Variants in CACNA1A observed in about 807,000 individuals in gnomAD.
The protein encoded by CACNA1A is calcium voltage-gated channel subunit alpha1 A.
Under a neutral mutation model 262.4 loss-of-function variants are expected in CACNA1A, and 57 were observed. The observed-to-expected ratio is 0.22, with a 90% CI of 0.18 to 0.27. The LOEUF (loss-of-function observed/expected upper bound fraction) is 0.27. Ranked by LOEUF, CACNA1A falls within the 10% of genes least tolerant of loss-of-function variation. The probability of loss-of-function intolerance (pLI) is 1.00; values close to 1 mark genes in which losing one functional copy is unlikely to be tolerated. For missense variants in CACNA1A, 2,526 were observed against 3,562.8 expected (o/e 0.71, Z 7.41); for synonymous variants, 1,431 against 1,419.3 (o/e 1.01, Z -0.18).
In CACNA1A at chr19:13,418,757, G is replaced by T. The variant is rs539008604; in HGVS notation, c.539+34119C>A. ...GAATACATTTCCCTTGTTTGAAGCC[G>T]TGTGGTTTATGGTACAGTCATGTGC... On this transcript the variant is annotated intron_variant, in intron 3 of 46. Coordinates refer to ENST00000360228, the MANE Select transcript of CACNA1A (RefSeq NM_001127222.2). Among the ~76,000 whole-genome samples, 5 of 152,290 alleles carry T rather than the reference G, an allele frequency of 3.3e-5. 1 individual carries two copies. The South Asian group carries it at 1.0e-3, about 32-fold the overall frequency.
intron 3 of CACNA1A, among the ~76,000 whole-genome samples, chr19:13,384,179 CAG>C (rs2059569237): frequency 6.6e-6 from 1 of 152,116 alleles, no homozygotes; most frequent in Admixed American, 6.6e-5. Flanking sequence ...TCCACGAGGA[CAG>C]GGGCTTTTTT....
At chr19:13,245,478 C>T (rs2056204761) in intron 30 of CACNA1A, 1 of 566,206 alleles carries the variant, frequency 1.8e-6, no homozygotes, top group East Asian at 3.0e-5. Context: ...CATGATTGGC[C>T]TGGCCCCAGA....
chr19:13,300,742 C>T, intron 17 of CACNA1A, 86 bp from the exon 18 acceptor site: 4 of 1,051,508 alleles, frequency 3.8e-6, no homozygotes, highest in South Asian at 3.7e-5. Flanking sequence ...CCAGGGGCAA[C>T]ATTTGAAATA....
intron 3 of CACNA1A, among the ~76,000 whole-genome samples, chr19:13,397,709 T>C (rs1249900573): frequency 1.3e-5 from 2 of 152,198 alleles, no homozygotes; most frequent in Non-Finnish European, 2.9e-5. Context: ...TTAGACTCCA[T>C]TTCCCAGCTC....
chr19:13,242,365 C>T (rs949784072), intron 31 of CACNA1A, among the ~76,000 whole-genome samples: 23 of 152,166 alleles, frequency 1.5e-4, no homozygotes, highest in African/African-American at 5.1e-4. Context: ...ACAATCTTGG[C>T]TTACTACAAC....
In CACNA1A at chr19:13,455,161, G is replaced by A. The variant is rs747917423; in HGVS notation, c.345C>T (p.Leu115=). The A allele has an allele frequency of 2.2e-5, 36 of 1,612,838 alleles. No individual in the cohort carries two copies. The highest frequency in any genetic ancestry group is 2.9e-5 in the Non-Finnish European group (34 of 1,178,942). The change falls in exon 2 of 47, where the codon CTC becomes CTT. Residue 115 remains leucine, a synonymous_variant. Coordinates refer to ENST00000360228, the MANE Select transcript of CACNA1A (RefSeq NM_001127222.2). ...LATIIANCIV[L]ALEQHLPDDD... ...CATCAGGCAGATGCTGCTCCAGTGCGAGGACGATGCAATTCGCTATGATGG... is the reference window on the plus strand; with the variant it reads ...CATCAGGCAGATGCTGCTCCAGTGCAAGGACGATGCAATTCGCTATGATGG...
At chr19:13,369,692 C>T (rs1040921818) in intron 4 of CACNA1A, among the ~76,000 whole-genome samples, 1 of 152,170 alleles carries the variant, frequency 6.6e-6, no homozygotes, top group Non-Finnish European at 1.5e-5. Flanking sequence ...TTTTTTGAGA[C>T]AGGGTCACAC....
intron 29 of CACNA1A, among the ~76,000 whole-genome samples, chr19:13,254,284 T>G (rs1363832182): frequency 1.3e-5 from 2 of 150,740 alleles, no homozygotes; most frequent in Admixed American, 6.6e-5. Context: ...GTTTTCAGAG[T>G]TTTTTTTTGG....
chr19:13,446,442 C>CTTTTT (rs547034790), intron 3 of CACNA1A, among the ~76,000 whole-genome samples: 2 of 122,540 alleles, frequency 1.6e-5, no homozygotes, highest in East Asian at 2.4e-4. Context: ...TTTTTTCTTT[C>CTTTTT]TTTTTTTTTT....
chr19:13,329,817 A>T, intron 10 of CACNA1A, among the ~76,000 whole-genome samples: 1 of 149,318 alleles, frequency 6.7e-6, no homozygotes. Context: ...GCTGGAGTGC[A>T]GTAACACAAT....
At position 13,299,239 on chromosome 19, in the gene CACNA1A, G is replaced by C; in HGVS notation, c.2394C>G (p.Asp798Glu). ...AGGCAGCCTTCCAGCGCTCGTCCGG[G>C]TCCATTTCGTTATACAGGGCCTCCC... is the stretch of plus-strand genomic sequence containing the variant. ...ASREALYNEM[D>E]PDERWKAAYT... is the part of the protein sequence containing the mutation. The change falls in exon 19 of 47, where the codon GAC becomes GAG. Residue 798 changes from aspartate to glutamate, a missense_variant. Physicochemically the swap from Asp to Glu is conservative, Grantham distance 45. Transcript: ENST00000360228. 6.2e-7 allele frequency: 1 copy of C among 1,609,470 alleles called. No homozygotes were observed. Among genetic ancestry groups the C allele is most frequent in the Non-Finnish European group, 8.5e-7 (1 of 1,179,852 alleles).
At position 13,360,269 on chromosome 19, in the gene CACNA1A, A is replaced by C. The variant is rs1055217757; in HGVS notation, c.785-470T>G. On this transcript the variant is annotated intron_variant, in intron 5 of 46. Coordinates refer to ENST00000360228, the MANE Select transcript of CACNA1A (RefSeq NM_001127222.2). The stretch of plus-strand genomic sequence containing the variant: ...GGTGTCTGTGTGTGTGTGTGTGTAT[A>C]TATATATATATATATATGAAGACAG... Among the ~76,000 whole-genome samples, 2 of 108,014 alleles carry C rather than the reference A, an allele frequency of 1.9e-5. 1 individual carries two copies. The highest frequency in any genetic ancestry group is 3.4e-5 in the Non-Finnish European group (2 of 58,286). 70.9% of individuals were successfully genotyped at this position (108,014 alleles called of 152,430 possible).
At position 13,286,843 on chromosome 19, in the gene CACNA1A, G is replaced by A. The variant is rs1369614864; in HGVS notation, c.3213C>T (p.Asn1071=). 6.2e-7 allele frequency: 1 copy of A among 1,613,726 alleles called. No individual in the cohort carries two copies. The change falls in exon 20 of 47, where the codon AAC becomes AAT. Residue 1071 remains asparagine, a synonymous_variant. Coordinates refer to ENST00000360228, the MANE Select transcript of CACNA1A (RefSeq NM_001127222.2). ...LAEDIDNMKN[N]KLATAESAAP... ...CGGCCGACTCCGCGGTGGCCAGCTT[G>A]TTGTTCTTCATGTTGTCAATATCCT...
At chr19:13,314,796 G>A (rs1322949483) in intron 11 of CACNA1A, among the ~76,000 whole-genome samples, 1 of 152,188 alleles carries the variant, frequency 6.6e-6, no homozygotes, top group African/African-American at 2.4e-5. Flanking sequence ...GTCCTTCACA[G>A]TATTTATCAC....
At chr19:13,293,468 T>A (rs1423009862) in intron 19 of CACNA1A, among the ~76,000 whole-genome samples, 18 of 134,608 alleles carry the variant, frequency 1.3e-4, no homozygotes, top group African/African-American at 4.0e-4. Flanking sequence ...TTTTTTGAGA[T>A]GGAGTCTCGC....
intron 1 of CACNA1A, among the ~76,000 whole-genome samples, chr19:13,476,224 C>T (rs1978515358): frequency 6.6e-6 from 1 of 152,184 alleles, no homozygotes; most frequent in Admixed American, 6.5e-5. Flanking sequence ...ACAGATGGTG[C>T]TAGCTTGGTT....
intron 3 of CACNA1A, among the ~76,000 whole-genome samples, chr19:13,415,321 T>G (rs1354671181): frequency 2.6e-5 from 4 of 152,040 alleles, no homozygotes. Flanking sequence ...CTCAGCCCAT[T>G]CTGTGCTCTT....
At chr19:13,282,699 G>T (rs7247995) in intron 22 of CACNA1A, among the ~76,000 whole-genome samples, 29,687 of 151,142 alleles carry the variant, frequency 0.2, 2,977 homozygotes, top group Non-Finnish European at 0.22. Flanking sequence ...CGGGGGGTTG[G>T]GGGGGCGCAT....
chr19:13,335,699 C>T, intron 7 of CACNA1A, 107 bp downstream of exon 7: 1 of 776,010 alleles, frequency 1.3e-6, no homozygotes, highest in Non-Finnish European at 2.2e-6. Context: ...AGGGAAGAAG[C>T]CTTTTCTCTG....
Sources: gnomAD v4.1 joint callset for allele counts (sites outside exome capture counted in the v4.1 genomes callset) on GRCh38, gnomAD v4.1.1 for gene constraint, MANE v1.5 for transcripts, NCBI Gene and HGNC (gene_info 2026-07-23, HGNC 2026-07-21) for gene names.